The following HSD17B4 variants were observed in gnomAD, a reference collection of about 807,000 sequenced individuals.
The protein encoded by HSD17B4 is hydroxysteroid 17-beta dehydrogenase 4.
Under a neutral mutation model 101.0 loss-of-function variants are expected in HSD17B4, and 70 were observed. The ratio of observed to expected loss-of-function variants is 0.69; its 90% CI spans 0.57 to 0.85. The LOEUF (loss-of-function observed/expected upper bound fraction) is 0.85. Ranked by LOEUF, HSD17B4 falls within the 40% of genes least tolerant of loss-of-function variation. The pLI, the probability that HSD17B4 is intolerant of heterozygous loss-of-function variation, is 0.00. For synonymous variants in HSD17B4, 347 were observed against 297.1 expected (o/e 1.17, Z -1.73); for missense variants, 984 against 892.4 (o/e 1.10, Z -1.31).
Position 119,541,893 on chromosome 5 carries a change from C to T in HSD17B4, c.2122-12C>T. ...TAACAGTTGGCACTCTTTTTCCCTCCTCTCCTTGCAGGCATTCTTTAGTGG... is the reference window on the plus strand; with the variant it reads ...TAACAGTTGGCACTCTTTTTCCCTCTTCTCCTTGCAGGCATTCTTTAGTGG... On this transcript the variant is annotated splice_polypyrimidine_tract_variant and intron_variant, in intron 23 of 23. Transcript: ENST00000510025. 1.3e-6 allele frequency: 2 copies of T among 1,566,822 alleles called. No homozygotes were observed. The highest frequency in any genetic ancestry group is 2.2e-5 in the South Asian group (2 of 90,124).
Position 119,501,764 on chromosome 5 carries a change from G to T in HSD17B4, c.1210-277G>T, listed in dbSNP as rs189032891. On this transcript the variant is annotated intron_variant, in intron 13 of 23. Coordinates refer to ENST00000510025, the MANE Select transcript of HSD17B4 (RefSeq NM_000414.4). ...AATACAGCCTAGTTTATTGTCTCTT[G>T]GCAAATAATATGTAATTAACAGTCA... Among the ~76,000 whole-genome samples the T allele has an allele frequency of 2.6e-5, 4 of 152,132 alleles. No individual in the cohort carries two copies. The East Asian group carries it at 7.7e-4, about 29-fold the overall frequency.
chr5:119,489,131 A>G lies in HSD17B4; in HGVS notation c.623-61A>G, dbSNP rs569316521. The G allele has an allele frequency of 2.7e-5, 30 of 1,131,970 alleles. No individual in the cohort carries two copies. In the East Asian group the frequency reaches 7.2e-4, roughly 27 times the overall value. 70.1% of individuals were successfully genotyped at this position (1,131,970 alleles called of 1,614,324 possible). A position where few individuals can be genotyped will look rare whatever the true frequency, so the allele number is the denominator to read the frequency against. On this transcript the variant is annotated intron_variant, in intron 8 of 23. Coordinates refer to ENST00000510025, the MANE Select transcript of HSD17B4 (RefSeq NM_000414.4). ...GTCTCTGAATTACCTATAATTTTATAAGTAAGAAATTCTTAGAAAGTAAAA... is the reference window on the plus strand; with the variant it reads ...GTCTCTGAATTACCTATAATTTTATGAGTAAGAAATTCTTAGAAAGTAAAA...
At chr5:119,453,492 C>T (rs768941601) in intron 1 of HSD17B4, among the ~76,000 whole-genome samples, 1 of 152,252 alleles carries the variant, frequency 6.6e-6, no homozygotes, top group Non-Finnish European at 1.5e-5. Flanking sequence ...ATTAGTTTCT[C>T]ACCAGTGGGT....
intron 17 of HSD17B4, among the ~76,000 whole-genome samples, chr5:119,515,778 A>G (rs1186740621): frequency 6.6e-6 from 1 of 152,196 alleles, no homozygotes; most frequent in Non-Finnish European, 1.5e-5. Context: ...TGTGCATGTA[A>G]TAACAGCAAA....
chr5:119,540,730 G>A (rs182018283), intron 23 of HSD17B4, among the ~76,000 whole-genome samples: 6 of 152,254 alleles, frequency 3.9e-5, no homozygotes, highest in African/African-American at 1.4e-4. Flanking sequence ...TCCAGTTCAC[G>A]AGGGTTTGCT....
chr5:119,521,544 T>C (rs1331513300), intron 17 of HSD17B4, among the ~76,000 whole-genome samples: 1 of 152,116 alleles, frequency 6.6e-6, no homozygotes, highest in Non-Finnish European at 1.5e-5. Flanking sequence ...CTACTTTTCT[T>C]CTGTTCTTTT....
intron 2 of HSD17B4, among the ~76,000 whole-genome samples, chr5:119,470,175 C>G (rs894619341): frequency 6.6e-6 from 1 of 152,158 alleles, no homozygotes; most frequent in South Asian, 2.1e-4. Flanking sequence ...GGCAGCGTCC[C>G]CATTGTACTT....
intron 13 of HSD17B4, 114 bp downstream of exon 13, chr5:119,499,667 A>G: frequency 1.9e-6 from 1 of 536,376 alleles, no homozygotes; most frequent in East Asian, 3.3e-5. Context: ...TTATATAATT[A>G]TTTATAGTGG....
At chr5:119,527,927 A>G (rs1407714003) in intron 20 of HSD17B4, among the ~76,000 whole-genome samples, 5 of 152,128 alleles carry the variant, frequency 3.3e-5, no homozygotes, top group Admixed American at 1.3e-4. Context: ...GTAAAATACT[A>G]AAAGGACATG....
chr5:119,472,093 G>A (rs1342251836), intron 2 of HSD17B4, among the ~76,000 whole-genome samples: 1 of 152,154 alleles, frequency 6.6e-6, no homozygotes, highest in East Asian at 1.9e-4. Context: ...ATAAATTAGT[G>A]ACTAAACATA....
intron 17 of HSD17B4, among the ~76,000 whole-genome samples, chr5:119,519,872 A>C (rs554823973): frequency 1.3e-5 from 2 of 152,140 alleles, no homozygotes; most frequent in Non-Finnish European, 2.9e-5. Context: ...TGATACACCA[A>C]TTGTCAATTT....
intron 14 of HSD17B4, among the ~76,000 whole-genome samples, chr5:119,502,677 G>A (rs1480227659): frequency 1.3e-5 from 2 of 151,872 alleles, no homozygotes; most frequent in East Asian, 1.9e-4. Flanking sequence ...CATATAAGGT[G>A]GTAGAATACA....
intron 23 of HSD17B4, among the ~76,000 whole-genome samples, chr5:119,537,021 A>G (rs948220331): frequency 6.6e-6 from 1 of 152,158 alleles, no homozygotes; most frequent in Non-Finnish European, 1.5e-5. Context: ...ACTTTTGACC[A>G]ATCCACAAAT....
At chr5:119,474,046 T>G in intron 3 of HSD17B4, 31 bp downstream of exon 3, 1 of 1,124,292 alleles carries the variant, frequency 8.9e-7, no homozygotes, top group South Asian at 1.3e-5. Context: ...ATACTATTTA[T>G]TTTCCTTCAA....
At position 119,452,509 on chromosome 5, in the gene HSD17B4, C is replaced by G; in HGVS notation, c.-67C>G. 2 of 1,612,764 alleles carry G rather than the reference C, an allele frequency of 1.2e-6. No homozygotes were observed. Among genetic ancestry groups the G allele is most frequent in the Admixed American group, 1.7e-5 (1 of 60,030 alleles). ...TCCCGCCCCCGCCATTCCCCGCCTC[C>G]TCCTGTCCCGCAGTCGGCGTCCAGC... On this transcript the variant is annotated 5_prime_UTR_variant, in exon 1 of 24. Coordinates refer to ENST00000510025, the MANE Select transcript of HSD17B4 (RefSeq NM_000414.4).
At chr5:119,517,223 C>T (rs919608872) in intron 17 of HSD17B4, among the ~76,000 whole-genome samples, 105 of 152,220 alleles carry the variant, frequency 6.9e-4, no homozygotes, top group African/African-American at 1.9e-3. Flanking sequence ...CTGCTGGCCC[C>T]GGGCAATGAG....
intron 8 of HSD17B4, among the ~76,000 whole-genome samples, chr5:119,484,209 A>G (rs994274044): frequency 1.6e-4 from 24 of 152,096 alleles, no homozygotes; most frequent in Non-Finnish European, 2.9e-4. Flanking sequence ...CCCTCCCTTA[A>G]AAAGAAAAAA....
chr5:119,514,620 G>C (rs1474302835), intron 16 of HSD17B4, among the ~76,000 whole-genome samples: 1 of 152,160 alleles, frequency 6.6e-6, no homozygotes, highest in Non-Finnish European at 1.5e-5. Context: ...TAAAAGACCA[G>C]TTTTAAAGAC....
intron 2 of HSD17B4, among the ~76,000 whole-genome samples, chr5:119,465,292 T>G (rs1264628774): frequency 6.6e-6 from 1 of 152,220 alleles, no homozygotes; most frequent in East Asian, 1.9e-4. Context: ...TTGGTTTATA[T>G]GGTATGGATG....
Sources: allele counts gnomAD v4.1 joint callset (sites outside exome capture counted in the v4.1 genomes callset), GRCh38; gene constraint gnomAD v4.1.1; transcripts MANE v1.5; gene names NCBI Gene and HGNC (gene_info 2026-07-23, HGNC 2026-07-21).